Variants in MRPS12 observed in about 807,000 individuals in gnomAD.
MRPS12 encodes small ribosomal subunit protein uS12m.
Under a neutral mutation model 8.4 loss-of-function variants are expected in MRPS12, and 7 were observed. The ratio of observed to expected loss-of-function variants is 0.83; its 90% CI spans 0.47 to 1.56. MRPS12 has a LOEUF of 1.56. MRPS12 is among the 40% of genes most tolerant of loss of function. MRPS12 has a pLI of 0.01. For missense variants in MRPS12, 200 were observed against 194.1 expected, an observed-to-expected ratio of 1.03 and a Z score of -0.18; for synonymous variants, 84 against 84.1, an observed-to-expected ratio of 1.00 and a Z score of 0.01.
Position 38,932,745 on chromosome 19 carries a change from C to G in MRPS12, c.*45C>G, listed in dbSNP as rs372770805. ...CTGGGCGCCCCTGCAGAACATGAAC[C>G]TTCCGCTCCTGGCTGCCACAGGGTC... is the stretch of plus-strand genomic sequence containing the variant. On this transcript the variant is annotated 3_prime_UTR_variant, in exon 3 of 3. Coordinates refer to ENST00000308018, the MANE Select transcript of MRPS12 (RefSeq NM_033362.4). The G allele has an allele frequency of 3.8e-6, 6 of 1,586,210 alleles. No individual in the cohort carries two copies. Among genetic ancestry groups the G allele is most frequent in the Non-Finnish European group, 5.1e-6 (6 of 1,167,836 alleles).
In MRPS12 at chr19:38,931,213, C is replaced by G. The variant is rs1333211312; in HGVS notation, c.-19-63C>G. 3.9e-6 allele frequency: 5 copies of G among 1,291,042 alleles called. No individual in the cohort carries two copies. The East Asian group carries it at 1.2e-4, about 31-fold the overall frequency. 80.0% of individuals were successfully genotyped at this position (1,291,042 alleles called of 1,614,324 possible). On this transcript the variant is annotated intron_variant, in intron 1 of 2. Transcript: ENST00000308018. ...AAGCCAGAAAGTCCTGAGAGCGGAT[C>G]GGGGAGCATTTGCGGATCGGTCACT...
chr19:38,931,156 G>T, intron 1 of MRPS12, 120 bp from the exon 2 acceptor site: 1 of 803,412 alleles, frequency 1.2e-6, no homozygotes, highest in Non-Finnish European at 2.0e-6. Flanking sequence ...GAGGGCCTGT[G>T]GTTAGACCTA....
In MRPS12 at chr19:38,932,539, A is replaced by G. The variant is rs1240436730; in HGVS notation, c.256A>G (p.Ser86Gly). 3 of 1,613,070 alleles carry G rather than the reference A, an allele frequency of 1.9e-6. No homozygotes were observed. The highest frequency in any genetic ancestry group is 2.5e-6 in the Non-Finnish European group (3 of 1,179,470). Reference protein sequence around the residue: ...ANRKCCRVRLSTGREAVCFIP... With the variant: ...ANRKCCRVRLGTGREAVCFIP... ...TCGCAAGTGCTGTCGAGTGCGGCTC[A>G]GCACTGGCCGCGAGGCCGTCTGCTT... is the stretch of plus-strand genomic sequence containing the variant. The change falls in exon 3 of 3, where the codon AGC (serine) becomes GGC (glycine). Residue 86 changes from serine (S) to glycine (G), a missense_variant. Coordinates refer to ENST00000308018, the MANE Select transcript of MRPS12 (RefSeq NM_033362.4).
Position 38,932,692 on chromosome 19 carries a change from A to G in MRPS12, c.409A>G (p.Lys137Glu). 3 of 1,599,024 alleles carry G rather than the reference A, an allele frequency of 1.9e-6. No individual in the cohort carries two copies. Among genetic ancestry groups the G allele is most frequent in the Non-Finnish European group, 2.6e-6 (3 of 1,169,918 alleles). ...RGKYDCGHVQ[K>E]K Reference sequence around the variant, plus strand: ...CAAGTACGACTGTGGCCACGTGCAGAAGAAGTGACGGCTGGGGGCACAGTG... The same window carrying G: ...CAAGTACGACTGTGGCCACGTGCAGGAGAAGTGACGGCTGGGGGCACAGTG... The change falls in exon 3 of 3, where the codon AAG becomes GAG. Residue 137 changes from lysine to glutamate, a missense_variant. Lys to Glu is a moderately conservative substitution (Grantham distance 56). Coordinates refer to ENST00000308018, the MANE Select transcript of MRPS12 (RefSeq NM_033362.4).
At position 38,932,447 on chromosome 19, in the gene MRPS12, G is replaced by T. The variant is rs374146379; in HGVS notation, c.164G>T (p.Arg55Leu). 6.2e-7 allele frequency: 1 copy of T among 1,612,492 alleles called. No individual in the cohort carries two copies. Among genetic ancestry groups the T allele is most frequent in the Non-Finnish European group, 8.5e-7 (1 of 1,179,124 alleles). ...PPRKLGPTEGRPQLKGVVLCT... is the reference protein window; with the variant it reads ...PPRKLGPTEGLPQLKGVVLCT... ...CGGAAGCTGGGCCCCACGGAAGGCC[G>T]GCCGCAGCTGAAGGGTGTGGTCCTG... is the stretch of plus-strand genomic sequence containing the variant. Residue 55 changes from arginine to leucine, a missense_variant, in exon 3 of 3, where the codon CGG becomes CTG. Physicochemically the swap from Arg to Leu is moderately radical, Grantham distance 102. Coordinates refer to ENST00000308018, the MANE Select transcript of MRPS12 (RefSeq NM_033362.4).
chr19:38,931,238 T>G (rs1974742304), intron 1 of MRPS12, 38 bp from the exon 2 acceptor site: 1 of 1,517,376 alleles, frequency 6.6e-7, no homozygotes, highest in East Asian at 2.3e-5. Flanking sequence ...GATCGGTCAC[T>G]TTTTCCTCCT....
At chr19:38,931,041 C>A (rs1314335617) in intron 1 of MRPS12, 43 bp downstream of exon 1, 2 of 596,132 alleles carry the variant, frequency 3.4e-6, no homozygotes, top group Non-Finnish European at 6.0e-6. Flanking sequence ...CAGGCCATCT[C>A]CCCAGTTTCC....
In MRPS12 at chr19:38,932,477, C is replaced by T. The variant is rs1225449479; in HGVS notation, c.194C>T (p.Thr65Met). 3 of 1,613,270 alleles carry T rather than the reference C, an allele frequency of 1.9e-6. No homozygotes were observed. Among genetic ancestry groups the T allele is most frequent in the South Asian group, 2.2e-5 (2 of 91,060 alleles). The change falls in exon 3 of 3, where the codon ACG becomes ATG. Residue 65 changes from threonine to methionine, a missense_variant. By Grantham distance (81) the Thr-to-Met change is moderately conservative. Transcript: ENST00000308018. The part of the protein sequence containing the change: ...RPQLKGVVLC[T>M]FTRKPKKPNS... ...CAGCTGAAGGGTGTGGTCCTGTGCA[C>T]GTTTACCCGCAAGCCGAAGAAGCCC...
Position 38,930,982 on chromosome 19 carries a change from C to A in MRPS12, c.-36C>A. 1 of 604,610 alleles carries A rather than the reference C, an allele frequency of 1.7e-6. No individual in the cohort carries two copies. Among genetic ancestry groups the A allele is most frequent in the South Asian group, 2.0e-5 (1 of 50,780 alleles). The allele number at this position is 604,610 out of a possible 1,614,324, so 37.5% of individuals were successfully genotyped here. On this transcript the variant is annotated 5_prime_UTR_variant, in exon 1 of 3. Transcript: ENST00000308018. ...TGGATTCAGCGTGTCCGCGACCTCA[C>A]CTTTAGGTCCTGTGAGGTCGGTGGA... is the stretch of plus-strand genomic sequence containing the variant.
At position 38,931,317 on chromosome 19, in the gene MRPS12, A is replaced by C. The variant is rs33988199; in HGVS notation, c.23A>C (p.His8Pro). The C allele has an allele frequency of 6.2e-7, 1 of 1,603,538 alleles. No homozygotes were observed. Among genetic ancestry groups the C allele is most frequent in the Admixed American group, 1.7e-5 (1 of 58,192 alleles). ...AGGATGTCCTGGTCTGGCCTTCTCC[A>C]TGGCCTCAACACGTCCCTAACTTGT... Reference protein sequence around the residue: MSWSGLLHGLNTSLTCGP... With the variant: MSWSGLLPGLNTSLTCGP... Residue 8 changes from histidine to proline, a missense_variant, in exon 2 of 3, where the codon CAT becomes CCT. Transcript: ENST00000308018.
At chr19:38,931,399 C>G (rs1974747448) in intron 2 of MRPS12, 56 bp downstream of exon 2, 1 of 1,476,842 alleles carries the variant, frequency 6.8e-7, no homozygotes, top group African/African-American at 1.4e-5. Flanking sequence ...GTTATTCGCT[C>G]TTGGACTTGT....
At chr19:38,932,260 A>G in intron 2 of MRPS12, 73 bp from the exon 3 acceptor site, 1 of 1,473,750 alleles carries the variant, frequency 6.8e-7, no homozygotes, top group African/African-American at 1.4e-5. Flanking sequence ...ACAATGCCTA[A>G]AACACCAAAA....
Position 38,933,052 on chromosome 19 carries a change from C to A in MRPS12, c.*352C>A. 4.4e-6 allele frequency: 1 copy of A among 224,950 alleles called. No individual in the cohort carries two copies. Among genetic ancestry groups the A allele is most frequent in the Non-Finnish European group, 8.9e-6 (1 of 112,740 alleles). 13.9% of individuals were successfully genotyped at this position (224,950 alleles called of 1,614,324 possible). On this transcript the variant is annotated 3_prime_UTR_variant, in exon 3 of 3. Coordinates refer to ENST00000308018, the MANE Select transcript of MRPS12 (RefSeq NM_033362.4). The stretch of plus-strand genomic sequence containing the variant: ...TGTGGAGTATTTGCCCTCTGTGTGG[C>A]TGTGGCAGTGGACATCTCTGAGCTT...
chr19:38,931,804 C>T (rs1371217865), intron 2 of MRPS12: 1 of 158,338 alleles, frequency 6.3e-6, no homozygotes, highest in Admixed American at 6.4e-5. Flanking sequence ...TCCAAAAGTG[C>T]TAGGATTACA....
intron 2 of MRPS12, 76 bp from the exon 3 acceptor site, chr19:38,932,257 C>T (rs1355855973): frequency 1.4e-6 from 2 of 1,465,052 alleles, no homozygotes; most frequent in Admixed American, 2.4e-5. Flanking sequence ...TAAACAATGC[C>T]TAAAACACCA....
chr19:38,932,967 G>C lies in MRPS12; in HGVS notation c.*267G>C, dbSNP rs1974791056. 1 of 459,408 alleles carries C rather than the reference G, an allele frequency of 2.2e-6. No homozygotes were observed. Among genetic ancestry groups the C allele is most frequent in the African/African-American group, 2.0e-5 (1 of 49,734 alleles). The allele number at this position is 459,408 out of a possible 1,614,324, so 28.5% of individuals were successfully genotyped here. A position where few individuals can be genotyped will look rare whatever the true frequency, so the allele number is the denominator to read the frequency against. ...TTCTGCTGGGACAAGACACTGTACT[G>C]CCCTCTGCTGGGAAGGGGTTTTAAT... On this transcript the variant is annotated 3_prime_UTR_variant, in exon 3 of 3. Transcript: ENST00000308018.
chr19:38,932,448 GC>G lies in MRPS12; in HGVS notation c.167del (p.Pro56ArgfsTer3). ...GGAAGCTGGGCCCCACGGAAGGCCG[GC>G]CGCAGCTGAAGGGTGTGGTCCTGTG... ...PRKLGPTEGR[P>X]QLKGVVLCTF... On this transcript the variant is annotated frameshift_variant, in exon 3 of 3. Coordinates refer to ENST00000308018, the MANE Select transcript of MRPS12 (RefSeq NM_033362.4). LOFTEE classifies it high-confidence loss of function. 1 of 1,612,644 alleles carries G rather than the reference GC, an allele frequency of 6.2e-7. No individual in the cohort carries two copies. Among genetic ancestry groups the G allele is most frequent in the Non-Finnish European group, 8.5e-7 (1 of 1,179,232 alleles).
Position 38,932,403 on chromosome 19 carries a change from GC to G in MRPS12, c.126del (p.Lys43SerfsTer16). ...ATLNQMHRLGPPKRPPRKLGP... is the reference protein window; with the variant it reads ...ATLNQMHRLGXPKRPPRKLGP... ...CCCTGAACCAGATGCACCGCCTGGG[GC>G]CCCCCAAGCGGCCGCCTCGGAAGCT... On this transcript the variant is annotated frameshift_variant, in exon 3 of 3. Coordinates refer to ENST00000308018, the MANE Select transcript of MRPS12 (RefSeq NM_033362.4). LOFTEE classifies it high-confidence loss of function. The G allele has an allele frequency of 1.2e-6, 2 of 1,605,092 alleles. No homozygotes were observed. Among genetic ancestry groups the G allele is most frequent in the Non-Finnish European group, 1.7e-6 (2 of 1,174,638 alleles).
chr19:38,931,656 C>T, intron 2 of MRPS12: 1 of 230,502 alleles, frequency 4.3e-6, no homozygotes, highest in Non-Finnish European at 8.4e-6. Flanking sequence ...ATCCTCCCGC[C>T]TCAGCCTCCC....
Sources: gnomAD v4.1 joint callset for allele counts on GRCh38, gnomAD v4.1.1 for gene constraint, MANE v1.5 for transcripts, NCBI Gene and HGNC (gene_info 2026-07-23, HGNC 2026-07-21) for gene names.